The following USP39 variants were observed in gnomAD, a reference collection of about 807,000 sequenced individuals.
USP39 encodes the protein ubiquitin carboxyl-terminal hydrolase 39.
In USP39, 38 loss-of-function variants were observed where a neutral mutation model predicts 66.4. The observed-to-expected ratio is 0.57, with a 90% CI of 0.44 to 0.75. The LOEUF is 0.75. Among genes scored for constraint, USP39 ranks in the 30% least tolerant of loss-of-function variants. The pLI is 0.00. For missense variants in USP39, 608 were observed against 714.4 expected, an observed-to-expected ratio of 0.85 and a Z score of 1.70; for synonymous variants, 303 against 274.6, an observed-to-expected ratio of 1.10 and a Z score of -1.02.
intron 5 of USP39, among the ~76,000 whole-genome samples, chr2:85,628,282 A>G (rs945450745): frequency 1.3e-5 from 2 of 152,026 alleles, no homozygotes; most frequent in Admixed American, 6.6e-5. Flanking sequence ...AGTAGCTGGG[A>G]CTACAGGTGC....
At chr2:85,603,015 C>G (rs1673063795) in exon 1 of USP39, 1 of 152,266 alleles carries the variant, frequency 6.6e-6, no homozygotes. Context: ...GGGATTGTCG[C>G]CGTGCACATG....
intron 6 of USP39, among the ~76,000 whole-genome samples, chr2:85,632,446 A>G (rs927626060): frequency 2.4e-4 from 32 of 133,188 alleles, no homozygotes; most frequent in African/African-American, 9.2e-4. Context: ...AATTTCAACT[A>G]TCTTTTTTTT....
At chr2:85,615,908 G>T (rs891025120), upstream of USP39, among the ~76,000 whole-genome samples, 1 of 152,254 alleles carries the variant, frequency 6.6e-6, no homozygotes, top group Non-Finnish European at 1.5e-5. Context: ...GGGATTACAG[G>T]CGTAAGCCAC....
At chr2:85,638,188 A>C (rs1163121120) in intron 8 of USP39, among the ~76,000 whole-genome samples, 3 of 151,010 alleles carry the variant, frequency 2.0e-5, no homozygotes, top group Non-Finnish European at 4.4e-5. Flanking sequence ...TGCCTGGCTA[A>C]TTTTTCTATT....
chr2:85,623,643 C>T lies in USP39; in HGVS notation c.434-3C>T, dbSNP rs756120771. The T allele has an allele frequency of 3.7e-6, 6 of 1,611,306 alleles. No individual in the cohort carries two copies. Among genetic ancestry groups the T allele is most frequent in the Non-Finnish European group, 4.2e-6 (5 of 1,178,892 alleles). ...TATTACAGCTTTTCACCCTTCCCTA[C>T]AGGCCGGGGTTTGAAGTCTCACGCC... On this transcript the variant is annotated splice_region_variant and splice_polypyrimidine_tract_variant and intron_variant, in intron 3 of 12. Transcript: ENST00000323701.
chr2:85,608,877 C>A, upstream of USP39: 2 of 1,590,702 alleles, frequency 1.3e-6, no homozygotes, highest in Non-Finnish European at 1.7e-6. Context: ...TACCCCCACA[C>A]TAAATTCCCT....
chr2:85,636,008 A>G, intron 6 of USP39, 45 bp from the exon 7 acceptor site: 1 of 1,582,142 alleles, frequency 6.3e-7, no homozygotes, highest in East Asian at 2.2e-5. Context: ...AGTTAACTCT[A>G]ATGCCACTTA....
chr2:85,645,171 C>A, intron 11 of USP39, 88 bp downstream of exon 11: 1 of 1,560,666 alleles, frequency 6.4e-7, no homozygotes, highest in Non-Finnish European at 8.7e-7. Context: ...TTCAGTGTGT[C>A]CTTGCTTGGC....
chr2:85,625,473 T>C, intron 4 of USP39, 66 bp from the exon 5 acceptor site: 1 of 1,592,546 alleles, frequency 6.3e-7, no homozygotes, highest in Non-Finnish European at 8.6e-7. Context: ...TTGTAGAAAT[T>C]ACTGTTACAG....
intron 5 of USP39, among the ~76,000 whole-genome samples, chr2:85,628,009 G>T (rs1306500870): frequency 2.6e-5 from 4 of 152,044 alleles, no homozygotes; most frequent in African/African-American, 9.7e-5. Context: ...TGAAGAATTG[G>T]ACAAAAAACT....
In USP39 at chr2:85,648,976, CCA is replaced by C. The variant is rs1178908149; in HGVS notation, c.*172_*173del. The C allele has an allele frequency of 2.8e-6, 2 of 724,534 alleles. No homozygotes were observed. Among genetic ancestry groups the C allele is most frequent in the African/African-American group, 3.5e-5 (2 of 56,376 alleles). 44.9% of individuals were successfully genotyped at this position (724,534 alleles called of 1,614,324 possible). ...AAGAGCCCACTTGCCTGGGATGGCC[CCA>C]CACTGTCACTCAGCTGTTCTTTGAT... is the stretch of plus-strand genomic sequence containing the variant. On this transcript the variant is annotated 3_prime_UTR_variant, in exon 13 of 13. Transcript: ENST00000323701.
intron 4 of USP39, among the ~76,000 whole-genome samples, chr2:85,624,493 T>TA (rs929565104): frequency 6.6e-6 from 1 of 152,074 alleles, no homozygotes; most frequent in African/African-American, 2.4e-5. Flanking sequence ...CTGTAGGCGT[T>TA]ACCATCATGC....
chr2:85,610,314 C>T (rs1336627537), upstream of USP39: 1 of 152,242 alleles, frequency 6.6e-6, no homozygotes, highest in East Asian at 1.9e-4. Context: ...CGCGCCCGGA[C>T]CAGTGTAAGC....
upstream of USP39, chr2:85,611,913 G>A (rs1175028690): frequency 1.3e-6 from 2 of 1,592,208 alleles, no homozygotes; most frequent in Non-Finnish European, 1.7e-6. Flanking sequence ...GGTGCACGAA[G>A]CCGTGGTTCA....
At position 85,621,513 on chromosome 2, in the gene USP39, C is replaced by A; in HGVS notation, c.367C>A (p.Leu123Met). The change falls in exon 3 of 13, where the codon CTG becomes ATG. Residue 123 changes from leucine to methionine, a missense_variant. Physicochemically the swap from Leu to Met is conservative, Grantham distance 15 (BLOSUM62 2). Around this residue, in one of 6 missense-constraint regions of USP39, gnomAD observed 115 missense variants for 198.6 expected, o/e 0.58. Transcript: ENST00000323701. The part of the protein sequence containing the change: ...RSVLDFDFEK[L>M]CSISLSHINA... ...TGTGCTGGACTTTGACTTTGAGAAA[C>A]TGTGTTCTATCTCCCTCTCACACAT... The A allele has an allele frequency of 6.2e-7, 1 of 1,614,008 alleles. No individual in the cohort carries two copies. The highest frequency in any genetic ancestry group is 2.2e-5 in the East Asian group (1 of 44,874).
In USP39 at chr2:85,616,440, CG is replaced by C; in HGVS notation, c.247del (p.Glu83SerfsTer66). 1 of 1,569,020 alleles carries C rather than the reference CG, an allele frequency of 6.4e-7. No individual in the cohort carries two copies. Among genetic ancestry groups the C allele is most frequent in the South Asian group, 1.1e-5 (1 of 87,084 alleles). On this transcript the variant is annotated frameshift_variant, in exon 1 of 13. Transcript: ENST00000323701. LOFTEE classifies it high-confidence loss of function. ...CGGGAGCGCGAGGTCGATGAGGACT[CG>C]GAGCCTGAGCGGGAGGTGCGAGGTG... Reference protein sequence around the residue: ...VKREREVDEDSEPEREVRAKN... With the variant: ...VKREREVDEDXEPEREVRAKN...
At chr2:85,612,501 A>T, upstream of USP39, 5 of 898,134 alleles carry the variant, frequency 5.6e-6, no homozygotes, top group East Asian at 2.9e-5. Flanking sequence ...TGAAGTGCTC[A>T]GGCAGGGCAA....
At chr2:85,630,116 C>G (rs1378790152) in intron 5 of USP39, among the ~76,000 whole-genome samples, 2 of 151,100 alleles carry the variant, frequency 1.3e-5, no homozygotes. Flanking sequence ...CCCTCACCAC[C>G]CCCCACACTC....
chr2:85,611,299 C>A, upstream of USP39: 2 of 1,419,330 alleles, frequency 1.4e-6, no homozygotes, highest in Non-Finnish European at 1.8e-6. Context: ...AGCAGAGAAG[C>A]TGGGGAAAGG....
Sources: allele counts gnomAD v4.1 joint callset (sites outside exome capture counted in the v4.1 genomes callset), GRCh38; gene constraint gnomAD v4.1.1; regional missense constraint gnomAD v4.1.1; transcripts MANE v1.5; gene names NCBI Gene and HGNC (gene_info 2026-07-23, HGNC 2026-07-21).